TLN2: variants seen among roughly 807,000 people sequenced by gnomAD.
TLN2 encodes talin 2, also known as talin-2.
In TLN2, 118 loss-of-function variants were observed where a neutral mutation model predicts 294.7. The observed-to-expected ratio is 0.40, with a 90% CI of 0.34 to 0.47. The LOEUF is 0.47. TLN2 is among the 20% of genes least tolerant of loss of function. TLN2 has a pLI of 0.84. For synonymous variants in TLN2, 1,431 were observed against 1,304.5 expected (o/e 1.10, Z -2.09); for missense variants, 3,083 against 3,282.2 (o/e 0.94, Z 1.48).
chr15:62,757,336 G>A (rs1464681082), intron 37 of TLN2, among the ~76,000 whole-genome samples: 16 of 152,222 alleles, frequency 1.1e-4, no homozygotes, highest in Non-Finnish European at 1.9e-4. Flanking sequence ...TGCAGGGCTT[G>A]TGTGTGAGTT....
chr15:62,534,058 C>T (rs2041198248), intron 1 of TLN2, among the ~76,000 whole-genome samples: 2 of 152,134 alleles, frequency 1.3e-5, no homozygotes, highest in South Asian at 4.2e-4. Flanking sequence ...GATTCTGATT[C>T]AGCAGATCCA....
At chr15:62,451,681 C>T (rs1294079879) in intron 1 of TLN2, among the ~76,000 whole-genome samples, 1 of 152,174 alleles carries the variant, frequency 6.6e-6, no homozygotes, top group African/African-American at 2.4e-5. Flanking sequence ...GAATTGGCTC[C>T]ACAACCCTGA....
chr15:62,582,227 CACACACACACACACACACA>C (rs2045152065), intron 1 of TLN2, among the ~76,000 whole-genome samples: 1 of 146,220 alleles, frequency 6.8e-6, no homozygotes. Flanking sequence ...CACACACACA[CACACACACACACACACACA>C]CATTCATGCC....
intron 23 of TLN2, 71 bp from the exon 24 acceptor site, chr15:62,717,505 T>G: frequency 9.2e-7 from 1 of 1,090,602 alleles, no homozygotes; most frequent in Non-Finnish European, 1.2e-6. Context: ...GACTCTGTGG[T>G]GGAAGTGACC....
intron 12 of TLN2, among the ~76,000 whole-genome samples, chr15:62,687,600 AAG>A (rs2057391679): frequency 6.6e-6 from 1 of 152,240 alleles, no homozygotes; most frequent in Non-Finnish European, 1.5e-5. Context: ...GATGTGCAAT[AAG>A]AAAAATCAAA....
At chr15:62,421,095 A>G (rs2034363046) in intron 1 of TLN2, among the ~76,000 whole-genome samples, 1 of 152,220 alleles carries the variant, frequency 6.6e-6, no homozygotes, top group South Asian at 2.1e-4. Context: ...TGGTTTGGCG[A>G]TAATTTCCAG....
chr15:62,638,288 C>A (rs1567233653), intron 3 of TLN2: 1 of 340,540 alleles, frequency 2.9e-6, no homozygotes, highest in East Asian at 7.7e-5. Context: ...TAATAAAGGG[C>A]AGCACTCAGC....
intron 2 of TLN2, among the ~76,000 whole-genome samples, chr15:62,608,675 A>G (rs1385938621): frequency 1.3e-5 from 2 of 152,094 alleles, no homozygotes; most frequent in Non-Finnish European, 2.9e-5. Context: ...GGGAGAGGTG[A>G]TGAGTTTATT....
At chr15:62,485,946 G>A (rs1595911523) in intron 1 of TLN2, among the ~76,000 whole-genome samples, 1 of 152,044 alleles carries the variant, frequency 6.6e-6, no homozygotes, top group Non-Finnish European at 1.5e-5. Flanking sequence ...AACACTTGGT[G>A]CAAATCGAGT....
intron 46 of TLN2, among the ~76,000 whole-genome samples, chr15:62,793,260 G>A (rs1366544753): frequency 6.6e-6 from 1 of 152,168 alleles, no homozygotes; most frequent in Non-Finnish European, 1.5e-5. Context: ...AAGTGGGGGT[G>A]GGTTAGGCCA....
intron 32 of TLN2, among the ~76,000 whole-genome samples, chr15:62,741,869 C>T (rs2061349100): frequency 6.6e-6 from 1 of 151,432 alleles, no homozygotes; most frequent in Non-Finnish European, 1.5e-5. Context: ...AACTCAGTCG[C>T]ATTGGTCAGG....
chr15:62,706,642 C>A (rs1253835761), intron 19 of TLN2, among the ~76,000 whole-genome samples: 1 of 152,208 alleles, frequency 6.6e-6, no homozygotes, highest in African/African-American at 2.4e-5. Flanking sequence ...CCAAAAGATA[C>A]ATTTTCAAGT....
intron 1 of TLN2, among the ~76,000 whole-genome samples, chr15:62,566,563 G>T (rs914045792): frequency 6.6e-6 from 1 of 151,858 alleles, no homozygotes; most frequent in Non-Finnish European, 1.5e-5. Flanking sequence ...ACATATTTGC[G>T]AAGGCCTGAT....
At chr15:62,438,265 T>G (rs2035387574) in intron 1 of TLN2, among the ~76,000 whole-genome samples, 1 of 151,908 alleles carries the variant, frequency 6.6e-6, no homozygotes, top group South Asian at 2.1e-4. Flanking sequence ...CCTTGCTTTT[T>G]GCACATTTGG....
At chr15:62,833,445 GAAGA>G in intron 54 of TLN2, 55 bp from the exon 55 acceptor site, 1 of 1,586,048 alleles carries the variant, frequency 6.3e-7, no homozygotes, top group Non-Finnish European at 8.6e-7. Context: ...AAGTAGTTTG[GAAGA>G]AAGAGCCCTT....
At chr15:62,554,535 T>G (rs982821941) in intron 1 of TLN2, among the ~76,000 whole-genome samples, 5 of 151,910 alleles carry the variant, frequency 3.3e-5, no homozygotes. Context: ...AACTTTGAAA[T>G]AAGTCAGATA....
At chr15:62,643,372 G>A (rs769375570) in intron 3 of TLN2, among the ~76,000 whole-genome samples, 6 of 144,418 alleles carry the variant, frequency 4.2e-5, no homozygotes, top group Non-Finnish European at 8.9e-5. Context: ...CTCGTGTGCA[G>A]TGCTCTGTAA....
At chr15:62,621,947 T>C (rs1024065085) in intron 3 of TLN2, among the ~76,000 whole-genome samples, 2 of 152,186 alleles carry the variant, frequency 1.3e-5, no homozygotes, top group African/African-American at 2.4e-5. Flanking sequence ...GGAGAATCAC[T>C]CTGCTAGTGT....
intron 1 of TLN2, among the ~76,000 whole-genome samples, chr15:62,570,583 A>G (rs1396045272): frequency 1.3e-5 from 2 of 151,848 alleles, no homozygotes; most frequent in Admixed American, 6.6e-5. Context: ...ACAAGTCTGA[A>G]TATTCTCTTT....
Sources: gnomAD v4.1 joint callset for allele counts (sites outside exome capture counted in the v4.1 genomes callset) on GRCh38, gnomAD v4.1.1 for gene constraint, MANE v1.5 for transcripts, NCBI Gene and HGNC (gene_info 2026-07-23, HGNC 2026-07-21) for gene names.